LARGE1: variants seen among roughly 807,000 people sequenced by gnomAD.
The protein encoded by LARGE1 is LARGE xylosyl- and glucuronyltransferase 1, also known as xylosyl- and glucuronyltransferase LARGE1.
LARGE1 carries 43 observed loss-of-function variants against 87.6 expected under a neutral mutation model. That is an observed-to-expected ratio of 0.49 (90% confidence interval 0.38 to 0.63). The LOEUF (loss-of-function observed/expected upper bound fraction) is 0.63. Among genes scored for constraint, LARGE1 ranks in the 30% least tolerant of loss-of-function variants. LARGE1 has a pLI of 0.00. For synonymous variants in LARGE1, 434 were observed against 394.6 expected, an observed-to-expected ratio of 1.10 and a Z score of -1.18; for missense variants, 802 against 1,000.2, an observed-to-expected ratio of 0.80 and a Z score of 2.67.
At chr22:33,313,069 C>T (rs1935780605) in intron 11 of LARGE1, among the ~76,000 whole-genome samples, 1 of 152,122 alleles carries the variant, frequency 6.6e-6, no homozygotes, top group African/African-American at 2.4e-5. Context: ...TGGCCACCTC[C>T]CCTGGTTTCC....
chr22:33,686,072 C>G (rs934536551), intron 2 of LARGE1, among the ~76,000 whole-genome samples: 39 of 151,992 alleles, frequency 2.6e-4, no homozygotes, highest in African/African-American at 8.7e-4. Flanking sequence ...ACTGAGAGTT[C>G]AAAAAAATGC....
chr22:33,760,025 G>A lies in LARGE1; in HGVS notation c.106+1346C>T, dbSNP rs1199496432. ...CACAGTTTCACCTTGTTTATATTCA[G>A]TCTAGCTAACTCAAGGCAAATCTCA... On this transcript the variant is annotated intron_variant, in intron 2 of 14. Transcript: ENST00000397394. 3.3e-5 allele frequency among the ~76,000 whole-genome samples: 5 copies of A among 152,166 alleles called. 1 individual carries two copies. The highest frequency in any genetic ancestry group is 4.1e-4 in the South Asian group (2 of 4,828).
intron 2 of LARGE1, among the ~76,000 whole-genome samples, chr22:33,661,081 T>G (rs1184836759): frequency 1.3e-5 from 2 of 152,122 alleles, no homozygotes; most frequent in Admixed American, 1.3e-4. Flanking sequence ...TTAGCAAAGA[T>G]TTTCAATTTT....
At chr22:33,627,243 T>C (rs1040385634) in intron 3 of LARGE1, among the ~76,000 whole-genome samples, 2 of 152,248 alleles carry the variant, frequency 1.3e-5, no homozygotes, top group Admixed American at 1.3e-4. Flanking sequence ...ATAGCAGTTA[T>C]CATTTTCTAT....
chr22:33,339,153 AT>A lies in LARGE1; in HGVS notation c.1132-1353del, dbSNP rs1413650353. ...ACAAAGCGAGACTCCGTCTCAAAAA[AT>A]AAAAAAAAAAAAAAAAAAAGAAGAA... On this transcript the variant is annotated intron_variant, in intron 9 of 14. Coordinates refer to ENST00000397394, the MANE Select transcript of LARGE1 (RefSeq NM_133642.5). Among the ~76,000 whole-genome samples, 334 of 139,648 alleles carry A rather than the reference AT, an allele frequency of 2.4e-3. 3 individuals are homozygous for A. The highest frequency in any genetic ancestry group is 8.9e-3 in the African/African-American group (293 of 32,766). The allele number at this position is 139,648 out of a possible 152,430, so 91.6% of individuals were successfully genotyped here.
chr22:33,905,662 A>T (rs994826968), intron 1 of LARGE1, among the ~76,000 whole-genome samples: 5 of 152,248 alleles, frequency 3.3e-5, no homozygotes, highest in Non-Finnish European at 7.3e-5. Flanking sequence ...CCAAGTTTCA[A>T]CACGTAAAAG....
the LARGE1 span, among the ~76,000 whole-genome samples, chr22:33,098,643 A>T: frequency 1.9e-3 from 296 of 152,274 alleles, 5 homozygotes; most frequent in Non-Finnish European, 2.4e-3. Context: ...AAATAAAAAT[A>T]AAAAATATAG....
At chr22:33,773,794 C>G (rs1462723076) in intron 1 of LARGE1, among the ~76,000 whole-genome samples, 1 of 152,126 alleles carries the variant, frequency 6.6e-6, no homozygotes, top group Non-Finnish European at 1.5e-5. Flanking sequence ...GTGGTTGTTG[C>G]AAGGATTGCA....
chr22:33,684,146 A>C (rs2267261), intron 2 of LARGE1, among the ~76,000 whole-genome samples: 5 of 151,898 alleles, frequency 3.3e-5, no homozygotes, highest in African/African-American at 1.2e-4. Flanking sequence ...GTCAGCAACA[A>C]CAGAAATCAT....
At chr22:33,914,516 T>C (rs2146977952) in intron 1 of LARGE1, among the ~76,000 whole-genome samples, 1 of 152,314 alleles carries the variant, frequency 6.6e-6, no homozygotes, top group East Asian at 1.9e-4. Flanking sequence ...CAAAGAACAG[T>C]GTAACATTTC....
intron 1 of LARGE1, among the ~76,000 whole-genome samples, chr22:33,854,907 C>T (rs956852826): frequency 5.9e-5 from 9 of 152,152 alleles, no homozygotes; most frequent in Non-Finnish European, 1.5e-5. Flanking sequence ...AGCGAGGCCG[C>T]GTCCTTCACA....
intron 9 of LARGE1, among the ~76,000 whole-genome samples, chr22:33,381,714 G>T (rs183458217): frequency 3.3e-5 from 5 of 152,250 alleles, no homozygotes; most frequent in Admixed American, 3.3e-4. Flanking sequence ...TCTTACGCCA[G>T]GAGGCTTTAG....
intron 11 of LARGE1, among the ~76,000 whole-genome samples, chr22:33,178,583 T>C (rs1923001539): frequency 6.6e-6 from 1 of 152,154 alleles, no homozygotes; most frequent in African/African-American, 2.4e-5. Context: ...TCAAACTATA[T>C]TTTTTGGGGT....
At chr22:33,296,007 T>A (rs1311587938) in intron 12 of LARGE1, among the ~76,000 whole-genome samples, 1 of 152,258 alleles carries the variant, frequency 6.6e-6, no homozygotes, top group African/African-American at 2.4e-5. Context: ...TGCCATAGTT[T>A]ACTGAGCACT....
Position 33,274,306 on chromosome 22 carries a change from A to C in LARGE1, c.*121T>G. 1.9e-6 allele frequency: 2 copies of C among 1,075,460 alleles called. No individual in the cohort carries two copies. The highest frequency in any genetic ancestry group is 2.9e-6 in the Non-Finnish European group (2 of 700,858). The allele number at this position is 1,075,460 out of a possible 1,614,324, so 66.6% of individuals were successfully genotyped here. On this transcript the variant is annotated 3_prime_UTR_variant, in exon 15 of 15. Coordinates refer to ENST00000397394, the MANE Select transcript of LARGE1 (RefSeq NM_133642.5). ...AGTGAGGGCAGCTTGGCTGGGCCAAAGAGATAAATAAAAACAAACCGAAAA... is the reference window on the plus strand; with the variant it reads ...AGTGAGGGCAGCTTGGCTGGGCCAACGAGATAAATAAAAACAAACCGAAAA...
At chr22:33,915,616 T>C (rs1191373567) in intron 1 of LARGE1, among the ~76,000 whole-genome samples, 2 of 152,212 alleles carry the variant, frequency 1.3e-5, no homozygotes, top group Non-Finnish European at 2.9e-5. Context: ...ATGCTGTACG[T>C]AGAATGATAA....
chr22:33,507,483 T>A (rs891615777), intron 6 of LARGE1, among the ~76,000 whole-genome samples: 4 of 152,092 alleles, frequency 2.6e-5, no homozygotes, highest in Non-Finnish European at 4.4e-5. Flanking sequence ...TCCACTTATA[T>A]GGGATACCTA....
At chr22:33,539,744 A>C (rs1354630058) in intron 6 of LARGE1, among the ~76,000 whole-genome samples, 2 of 64,076 alleles carry the variant, frequency 3.1e-5, no homozygotes, top group African/African-American at 1.0e-4. Context: ...CCACCTGGCT[A>C]ATTTTTGTAT....
intron 1 of LARGE1, among the ~76,000 whole-genome samples, chr22:33,915,760 A>G (rs567094130): frequency 6.6e-6 from 1 of 152,324 alleles, no homozygotes; most frequent in East Asian, 1.9e-4. Flanking sequence ...AGTCCTCAGC[A>G]TGGAATCTTA....
Sources: allele counts gnomAD v4.1 joint callset (sites outside exome capture counted in the v4.1 genomes callset), GRCh38; gene constraint gnomAD v4.1.1; transcripts MANE v1.5; gene names NCBI Gene and HGNC (gene_info 2026-07-23, HGNC 2026-07-21).